Variants in LRP4 observed in about 807,000 individuals in gnomAD.
The protein encoded by LRP4 is LDL receptor related protein 4, also known as low-density lipoprotein receptor-related protein 4.
A neutral mutation model predicts 220.3 loss-of-function variants in LRP4; 95 were observed. The ratio of observed to expected loss-of-function variants is 0.43; its 90% CI spans 0.37 to 0.51. The LOEUF is 0.51. LRP4 is among the 20% of genes least tolerant of loss of function. The pLI is 0.00. For synonymous variants in LRP4, 903 were observed against 954.6 expected (o/e 0.95, Z 1.00); for missense variants, 1,925 against 2,567.0 (o/e 0.75, Z 5.40).
rs1331116079 is a variant in LRP4 at position 46,890,374 on chromosome 11, G to A, written c.1818C>T (p.Asp606=). Residue 606 remains aspartate, a synonymous_variant, in exon 14 of 38, where the codon GAC becomes GAT. Transcript: ENST00000378623. The surrounding 1 kb of genome is among the most constrained non-coding windows in gnomAD (Gnocchi z 5.3). ...HLFWPNGLTI[D]YAGRRMYWVD... is the part of the protein sequence containing the mutation. ...CCCAGTACATACGGCGCCCGGCATAGTCGATGGTGAGGCCATTGGGCCAGA... is the reference window on the plus strand; with the variant it reads ...CCCAGTACATACGGCGCCCGGCATAATCGATGGTGAGGCCATTGGGCCAGA... 1 of 1,614,176 alleles carries A rather than the reference G, an allele frequency of 6.2e-7. No individual in the cohort carries two copies. Among genetic ancestry groups the A allele is most frequent in the South Asian group, 1.1e-5 (1 of 91,084 alleles).
At chr11:46,887,170 C>G (rs7118170) in intron 16 of LRP4, among the ~76,000 whole-genome samples, 90,729 of 151,976 alleles carry the variant, frequency 0.6, 30,533 homozygotes, top group Non-Finnish European at 0.76. Flanking sequence ...GCTCTGGCCA[C>G]TCCTCTACGT....
chr11:46,881,060 A>C (rs1267608215), intron 20 of LRP4, among the ~76,000 whole-genome samples: 24 of 20,296 alleles, frequency 1.2e-3, no homozygotes, highest in Non-Finnish European at 3.6e-3. Context: ...TAAAAAACCA[A>C]AAAAAAAAAA....
chr11:46,908,282 T>C (rs997363522), intron 1 of LRP4, among the ~76,000 whole-genome samples: 1 of 152,196 alleles, frequency 6.6e-6, no homozygotes, highest in Admixed American at 6.5e-5. Flanking sequence ...TTCTAAGTGC[T>C]TTTCATATGC....
At chr11:46,912,791 A>G (rs962186869) in intron 1 of LRP4, among the ~76,000 whole-genome samples, 1 of 152,136 alleles carries the variant, frequency 6.6e-6, no homozygotes, top group Non-Finnish European at 1.5e-5. Context: ...TCTGCCCTAC[A>G]CCCAGACAGA....
At chr11:46,877,507 G>A (rs1366218386) in intron 22 of LRP4, among the ~76,000 whole-genome samples, 168 bp from the exon 23 acceptor site, 9 of 152,038 alleles carry the variant, frequency 5.9e-5, no homozygotes, top group Non-Finnish European at 2.9e-5. Context: ...TTGCTGTGTC[G>A]CCCAGGCTGG....
At chr11:46,901,075 C>G in intron 2 of LRP4, among the ~76,000 whole-genome samples, 1 of 152,166 alleles carries the variant, frequency 6.6e-6, no homozygotes, top group East Asian at 1.9e-4. Context: ...GGATTACAGG[C>G]GTGAGCCACC....
chr11:46,897,486 AGGTCTCT>A (rs1380042530), intron 7 of LRP4, among the ~76,000 whole-genome samples: 10 of 150,154 alleles, frequency 6.7e-5, no homozygotes, highest in Non-Finnish European at 1.0e-4. Flanking sequence ...AAGTGAACAA[AGGTCTCT>A]GGTTTTCCTA....
In LRP4 at chr11:46,889,451, G is replaced by C. The variant is rs369705661; in HGVS notation, c.2175C>G (p.Pro725=). The change falls in exon 16 of 38, where the codon CCC becomes CCG. Residue 725 remains proline (P), a synonymous_variant. Coordinates refer to ENST00000378623, the MANE Select transcript of LRP4 (RefSeq NM_002334.4). ...GGCTGCTGATCTTGCGGAAGCCAGT[G>C]GGGCAGGCACAGGTGTAGTTCTGGC... is the stretch of plus-strand genomic sequence containing the variant. ...PSGQNYTCAC[P]TGFRKISSHA... The C allele has an allele frequency of 1.2e-6, 2 of 1,613,998 alleles. No homozygotes were observed. Among genetic ancestry groups the C allele is most frequent in the Non-Finnish European group, 1.7e-6 (2 of 1,180,040 alleles).
At position 46,884,021 on chromosome 11, in the gene LRP4, AC is replaced by A. The variant is rs776013747; in HGVS notation, c.2507-46del. 25 of 1,472,614 alleles carry A rather than the reference AC, an allele frequency of 1.7e-5. No individual in the cohort carries two copies. The South Asian group carries it at 2.5e-4, about 15-fold the overall frequency. 91.2% of individuals were successfully genotyped at this position (1,472,614 alleles called of 1,614,324 possible). A position where few individuals can be genotyped will look rare whatever the true frequency, so the allele number is the denominator to read the frequency against. On this transcript the variant is annotated intron_variant, in intron 18 of 37. Transcript: ENST00000378623. The stretch of plus-strand genomic sequence containing the variant: ...AGATTAATTCTAGTCTTGTTCATTC[AC>A]CCTCTTACCTTCCATGGCCAACACA...
At chr11:46,906,097 C>T (rs1309173255) in intron 1 of LRP4, among the ~76,000 whole-genome samples, 1 of 152,106 alleles carries the variant, frequency 6.6e-6, no homozygotes, top group East Asian at 1.9e-4. Context: ...TGGGTTCCAT[C>T]GACCAGCCAG....
At chr11:46,859,922 AGACAGGG>A (rs1163922912) in intron 37 of LRP4, among the ~76,000 whole-genome samples, 2 of 152,096 alleles carry the variant, frequency 1.3e-5, no homozygotes, top group Non-Finnish European at 2.9e-5. Flanking sequence ...TTGGGAGGTA[AGACAGGG>A]GACTCTAGAA....
At chr11:46,912,474 GC>G (rs1281733406) in intron 1 of LRP4, among the ~76,000 whole-genome samples, 1 of 152,188 alleles carries the variant, frequency 6.6e-6, no homozygotes, top group East Asian at 1.9e-4. Context: ...TGTTTAAACT[GC>G]CCGTGGAAGG....
intron 8 of LRP4, among the ~76,000 whole-genome samples, chr11:46,896,650 C>T (rs1209341480): frequency 6.6e-6 from 1 of 152,230 alleles, no homozygotes. Flanking sequence ...TAGACCAGAG[C>T]TAAAGGCACT....
intron 1 of LRP4, among the ~76,000 whole-genome samples, chr11:46,917,551 G>A (rs1390542738): frequency 6.6e-6 from 1 of 152,182 alleles, no homozygotes; most frequent in Non-Finnish European, 1.5e-5. Context: ...GCGAGGGCCC[G>A]GCGGCTGCCT....
At chr11:46,871,449 C>T (rs918336802) in intron 31 of LRP4, 76 bp downstream of exon 31, 16 of 1,006,336 alleles carry the variant, frequency 1.6e-5, no homozygotes, top group Non-Finnish European at 2.2e-5. Flanking sequence ...GCAGCTATAG[C>T]TGAGACTGCT....
At chr11:46,864,214 A>G (rs1323455900) in intron 36 of LRP4, among the ~76,000 whole-genome samples, 1 of 152,214 alleles carries the variant, frequency 6.6e-6, no homozygotes, top group African/African-American at 2.4e-5. Flanking sequence ...CTAGTCTATA[A>G]AGAAAATCCG....
chr11:46,876,321 G>A, intron 25 of LRP4, 145 bp downstream of exon 25: 2 of 882,346 alleles, frequency 2.3e-6, no homozygotes, highest in Non-Finnish European at 3.8e-6. Flanking sequence ...CACCCTGCGA[G>A]AAGTCACAAG....
rs941115469 is a variant in LRP4 at position 46,889,518 on chromosome 11, C to T, written c.2108G>A (p.Gly703Glu). 6.2e-7 allele frequency: 1 copy of T among 1,613,968 alleles called. No homozygotes were observed. The highest frequency in any genetic ancestry group is 1.7e-5 in the Admixed American group (1 of 60,028). The change falls in exon 16 of 38, where the codon GGG (glycine) becomes GAG (glutamate). Residue 703 changes from glycine to glutamate, a missense_variant. By Grantham distance (98) the Gly-to-Glu change is moderately conservative. Transcript: ENST00000378623. ...QRQPAGKNRCGDNNGGCTHLC... is the reference protein window; with the variant it reads ...QRQPAGKNRCEDNNGGCTHLC... ...GTGCGTGCAGCCTCCGTTGTTGTCC[C>T]CACAGCGGTTTTTCCCTGCTCAAAG... is the stretch of plus-strand genomic sequence containing the variant.
At position 46,875,672 on chromosome 11, in the gene LRP4, C is replaced by A. The variant is rs748719669; in HGVS notation, c.3709G>T (p.Ala1237Ser). The A allele has an allele frequency of 8.1e-6, 13 of 1,614,082 alleles. No individual in the cohort carries two copies. The South Asian group carries it at 1.1e-4, about 14-fold the overall frequency. The change falls in exon 27 of 38, where the codon GCT (alanine) becomes TCT (serine). Residue 1237 changes from alanine to serine, a missense_variant. Around this residue, in one of 3 missense-constraint regions of LRP4, gnomAD observed 1,244 missense variants for 1,624.9 expected, o/e 0.77. Transcript: ENST00000378623. This position sits in a 1 kb window ranked among gnomAD's most constrained non-coding sequence, Gnocchi z 4.5. ...CGATTGGCACCATTCAGGTCAGCAGCCTCAATTCGCTGCAGAGGAAGGAGA... is the reference window on the plus strand; with the variant it reads ...CGATTGGCACCATTCAGGTCAGCAGACTCAATTCGCTGCAGAGGAAGGAGA... ...WADAHTERIE[A>S]ADLNGANRHT... is the part of the protein sequence containing the mutation.
Sources: gnomAD v4.1 joint callset for allele counts (sites outside exome capture counted in the v4.1 genomes callset) on GRCh38, gnomAD v4.1.1 for gene constraint, gnomAD v4.1.1 regional missense constraint, Gnocchi (gnomAD v3.1) non-coding constraint, MANE v1.5 for transcripts, NCBI Gene and HGNC (gene_info 2026-07-23, HGNC 2026-07-21) for gene names.